Variants in RAD51B observed in about 807,000 individuals in gnomAD.
The protein encoded by RAD51B is RAD51 paralog B.
A neutral mutation model predicts 42.2 loss-of-function variants in RAD51B; 38 were observed. The ratio of observed to expected loss-of-function variants is 0.90; its 90% CI spans 0.70 to 1.18. The LOEUF (loss-of-function observed/expected upper bound fraction) is 1.18. RAD51B is among the 50% of genes most tolerant of loss of function. The pLI, the probability that RAD51B is intolerant of heterozygous loss-of-function variation, is 0.00. For synonymous variants in RAD51B, 154 were observed against 145.2 expected (o/e 1.06, Z -0.43); for missense variants, 373 against 400.7 (o/e 0.93, Z 0.59).
In RAD51B at chr14:68,593,798, A is replaced by G. The variant is rs186887854; in HGVS notation, c.1037-687A>G. Among the ~76,000 whole-genome samples the G allele has an allele frequency of 1.5e-3, 225 of 152,096 alleles. 1 individual carries two copies. The highest frequency in any genetic ancestry group is 5.1e-3 in the African/African-American group (213 of 41,488). ...TCTATTCCCAGCATTCCCTCTGTCA[A>G]CTCCCCAACCTCAGTCTCTGGCTTG... On this transcript the variant is annotated intron_variant, in intron 10 of 10. Coordinates refer to the RAD51B transcript ENST00000487270.
chr14:68,345,817 C>T lies in RAD51B; in HGVS notation c.853+53837C>T, dbSNP rs35969462. Among the ~76,000 whole-genome samples, 1,359 of 152,280 alleles carry T rather than the reference C, an allele frequency of 8.9e-3. 24 individuals are homozygous for T. Among genetic ancestry groups the T allele is most frequent in the African/African-American group, 0.031 (1,306 of 41,546 alleles). On this transcript the variant is annotated intron_variant, in intron 8 of 10. Coordinates refer to ENST00000471583, the MANE Select transcript of RAD51B (RefSeq NM_133510.4). ...CTGGGATTACAGGAGTGTGCTACCA[C>T]GCCCAGCTAATTTTTGTATTTTAGT...
chr14:68,493,497 C>T (rs1236989776), intron 10 of RAD51B, among the ~76,000 whole-genome samples: 1 of 152,186 alleles, frequency 6.6e-6, no homozygotes, highest in Non-Finnish European at 1.5e-5. Flanking sequence ...AATCATGTTG[C>T]CATTTTACAT....
At chr14:67,911,131 G>A (rs2043966441) in intron 7 of RAD51B, among the ~76,000 whole-genome samples, 1 of 152,090 alleles carries the variant, frequency 6.6e-6, no homozygotes, top group Non-Finnish European at 1.5e-5. Context: ...GTCTCATTTT[G>A]GAAATAGAGC....
At chr14:68,670,203 G>A (rs1469748930) in intron 11 of RAD51B, among the ~76,000 whole-genome samples, 13 of 152,182 alleles carry the variant, frequency 8.5e-5, no homozygotes, top group South Asian at 4.1e-4. Flanking sequence ...GATTGGAACC[G>A]TCCGTGGGCC....
At chr14:67,933,507 C>T (rs2044817968) in intron 7 of RAD51B, among the ~76,000 whole-genome samples, 1 of 152,102 alleles carries the variant, frequency 6.6e-6, no homozygotes, top group Non-Finnish European at 1.5e-5. Context: ...ACCACCCTTG[C>T]TAGTATCAGG....
At chr14:68,526,444 C>T (rs565135938) in intron 10 of RAD51B, among the ~76,000 whole-genome samples, 3 of 152,188 alleles carry the variant, frequency 2.0e-5, no homozygotes, top group Non-Finnish European at 4.4e-5. Context: ...GACATGTGAC[C>T]GTATTATACG....
At chr14:68,620,077 A>G (rs892195120) in intron 10 of RAD51B, among the ~76,000 whole-genome samples, 2 of 152,078 alleles carry the variant, frequency 1.3e-5, no homozygotes, top group African/African-American at 2.4e-5. Flanking sequence ...TCTTTCCAAG[A>G]TCTGAGGTAA....
chr14:68,471,244 T>C (rs2086116620), intron 10 of RAD51B, among the ~76,000 whole-genome samples: 1 of 152,090 alleles, frequency 6.6e-6, no homozygotes, highest in African/African-American at 2.4e-5. Flanking sequence ...CATTCGGTCT[T>C]CAATAGAGCC....
intron 8 of RAD51B, among the ~76,000 whole-genome samples, chr14:68,356,813 C>G (rs1863128529): frequency 6.6e-6 from 1 of 151,822 alleles, no homozygotes; most frequent in Non-Finnish European, 1.5e-5. Flanking sequence ...AACCCCGTCT[C>G]TACTAAAAAT....
At chr14:68,573,563 T>C (rs1208848938) in intron 10 of RAD51B, among the ~76,000 whole-genome samples, 1 of 152,242 alleles carries the variant, frequency 6.6e-6, no homozygotes, top group Admixed American at 6.5e-5. Context: ...TCTCCATATA[T>C]TTGTCACCAA....
rs1595059889 is a variant in RAD51B at position 68,677,338 on chromosome 14, G to A, written c.*11+26482G>A. On this transcript the variant is annotated intron_variant, in intron 11 of 11. Transcript: ENST00000488612. ...CGCTTGGAGGCGGGAGAGATTCCTTGCGCACCCTGCTATTGCACTGCTGCT... is the reference window on the plus strand; with the variant it reads ...CGCTTGGAGGCGGGAGAGATTCCTTACGCACCCTGCTATTGCACTGCTGCT... 1.3e-5 allele frequency among the ~76,000 whole-genome samples: 2 copies of A among 152,156 alleles called. 1 individual carries two copies. The highest frequency in any genetic ancestry group is 4.8e-5 in the African/African-American group (2 of 41,426).
intron 11 of RAD51B, among the ~76,000 whole-genome samples, chr14:68,668,928 C>G (rs1893091728): frequency 6.6e-6 from 1 of 152,210 alleles, no homozygotes; most frequent in South Asian, 2.1e-4. Context: ...CCCGAAAGAC[C>G]TTTTACAGCT....
rs563619789 is a variant in RAD51B, at chr14:67,947,231, C to T, written c.756+60027C>T. Reference sequence around the variant, plus strand: ...GTATAAAGCATAAATAGTAAAATTACCCAAAGACAAAGAGGAATGGGAAGG... The same window carrying T: ...GTATAAAGCATAAATAGTAAAATTATCCAAAGACAAAGAGGAATGGGAAGG... On this transcript the variant is annotated intron_variant, in intron 7 of 10. Transcript: ENST00000471583. Among the ~76,000 whole-genome samples, 4 of 152,178 alleles carry T rather than the reference C, an allele frequency of 2.6e-5. No individual in the cohort carries two copies. In the South Asian group the frequency reaches 6.2e-4, roughly 24 times the overall value.
intron 7 of RAD51B, among the ~76,000 whole-genome samples, chr14:68,241,847 A>G (rs1040784583): frequency 6.6e-6 from 1 of 151,964 alleles, no homozygotes; most frequent in African/African-American, 2.4e-5. Flanking sequence ...TCCTACTCCT[A>G]TCTCTTTTGA....
chr14:68,474,145 T>G (rs183349138), intron 10 of RAD51B, among the ~76,000 whole-genome samples: 1 of 152,318 alleles, frequency 6.6e-6, no homozygotes, highest in East Asian at 1.9e-4. Flanking sequence ...TTGTAACAAT[T>G]TTATTACCTG....
intron 9 of RAD51B, chr14:68,422,181 T>A (rs781083305): frequency 5.8e-6 from 7 of 1,200,134 alleles, no homozygotes; most frequent in South Asian, 3.6e-5. Flanking sequence ...TCAAAGAACA[T>A]GGTGGGGTTG....
At chr14:68,232,154 A>G (rs1371977922) in intron 7 of RAD51B, among the ~76,000 whole-genome samples, 1 of 152,202 alleles carries the variant, frequency 6.6e-6, no homozygotes, top group African/African-American at 2.4e-5. Context: ...AGCAAACAAA[A>G]GACAACAACA....
intron 8 of RAD51B, among the ~76,000 whole-genome samples, chr14:68,342,214 G>T (rs1056200797): frequency 2.0e-5 from 3 of 152,060 alleles, no homozygotes; most frequent in Admixed American, 6.5e-5. Context: ...TCCAATCCTT[G>T]GAACACAGAA....
downstream of RAD51B, among the ~76,000 whole-genome samples, chr14:68,481,425 C>A (rs1279686506): frequency 1.3e-5 from 2 of 152,170 alleles, no homozygotes; most frequent in African/African-American, 4.8e-5. Context: ...CCCCAAGAAA[C>A]AATAAGAGAG....
Sources: allele counts gnomAD v4.1 joint callset (sites outside exome capture counted in the v4.1 genomes callset), GRCh38; gene constraint gnomAD v4.1.1; transcripts MANE v1.5; gene names NCBI Gene and HGNC (gene_info 2026-07-23, HGNC 2026-07-21).